Variants in DGKI observed in about 807,000 individuals in gnomAD.
DGKI encodes DAG kinase iota.
Under a neutral mutation model 147.5 loss-of-function variants are expected in DGKI, and 55 were observed. That is an observed-to-expected ratio of 0.37 (90% CI 0.30 to 0.47). DGKI has a LOEUF of 0.47. DGKI is among the 20% of genes least tolerant of loss of function. DGKI has a pLI of 1.00. For missense variants in DGKI, 1,007 were observed against 1,323.8 expected (o/e 0.76, Z 3.71); for synonymous variants, 469 against 477.1 (o/e 0.98, Z 0.22).
intron 21 of DGKI, among the ~76,000 whole-genome samples, chr7:137,510,071 C>A (rs1449409156): frequency 1.3e-5 from 2 of 152,184 alleles, no homozygotes; most frequent in African/African-American, 2.4e-5. Context: ...CTGATGACTG[C>A]GGTTCACGCA....
chr7:137,393,680 T>G (rs574357479), intron 32 of DGKI, among the ~76,000 whole-genome samples: 129 of 152,332 alleles, frequency 8.5e-4, no homozygotes, highest in African/African-American at 2.9e-3. Flanking sequence ...TTTGAAATAG[T>G]GTACCCAATT....
chr7:137,389,617 A>T lies in DGKI; in HGVS notation c.*1603T>A, dbSNP rs1201113434. The stretch of plus-strand genomic sequence containing the variant: ...ATTTCGCCAAAAGTAAAATCCTTGG[A>T]CACCTACTTTTATTTTTGACTTACC... On this transcript the variant is annotated 3_prime_UTR_variant, in exon 33 of 33. Coordinates refer to ENST00000614521, the MANE Select transcript of DGKI (RefSeq NM_001321708.2). 1 of 152,184 alleles carries T rather than the reference A, an allele frequency of 6.6e-6. No homozygotes were observed. The highest frequency in any genetic ancestry group is 1.5e-5 in the Non-Finnish European group (1 of 68,022). The allele number at this position is 152,184 out of a possible 1,614,324, so 9.4% of individuals were successfully genotyped here.
chr7:137,644,119 A>G (rs769308497), intron 6 of DGKI, among the ~76,000 whole-genome samples: 4 of 152,192 alleles, frequency 2.6e-5, no homozygotes, highest in Non-Finnish European at 5.9e-5. Flanking sequence ...AGGTTGATGG[A>G]CCCAAGAGAG....
chr7:137,632,720 G>A (rs775505172), intron 6 of DGKI, among the ~76,000 whole-genome samples: 37 of 152,082 alleles, frequency 2.4e-4, no homozygotes, highest in African/African-American at 2.9e-4. Context: ...TTAGCTGGGC[G>A]TGGTGGCACA....
At chr7:137,579,813 C>T (rs1450193964) in intron 15 of DGKI, among the ~76,000 whole-genome samples, 1 of 152,126 alleles carries the variant, frequency 6.6e-6, no homozygotes, top group East Asian at 1.9e-4. Flanking sequence ...TAATGCTTGA[C>T]ATCTTTAACT....
At chr7:137,768,489 C>G (rs952158030) in intron 1 of DGKI, among the ~76,000 whole-genome samples, 3 of 152,158 alleles carry the variant, frequency 2.0e-5, no homozygotes, top group Admixed American at 6.5e-5. Context: ...AGACGACTCT[C>G]AAGAAGCAGC....
intron 1 of DGKI, among the ~76,000 whole-genome samples, chr7:137,729,677 C>A (rs545777101): frequency 1.3e-5 from 2 of 152,206 alleles, no homozygotes; most frequent in African/African-American, 4.8e-5. Context: ...AGAAACCACA[C>A]TCCACAAAGT....
chr7:137,544,368 C>A lies in DGKI; in HGVS notation c.2147+8001G>T, dbSNP rs187527412. ...CCTATATAGAATATAGAATTTTACT[C>A]CAGCCACAACATTCAGTTTGGCAAT... On this transcript the variant is annotated intron_variant, in intron 20 of 32. Transcript: ENST00000614521. 7.2e-5 allele frequency among the ~76,000 whole-genome samples: 11 copies of A among 152,216 alleles called. No individual in the cohort carries two copies. The East Asian group carries it at 1.9e-3, about 27-fold the overall frequency.
chr7:137,628,825 G>A (rs1821031179), intron 6 of DGKI, among the ~76,000 whole-genome samples: 1 of 152,018 alleles, frequency 6.6e-6, no homozygotes, highest in Non-Finnish European at 1.5e-5. Flanking sequence ...GTTGCCTTCT[G>A]ACTTCTTCTG....
intron 28 of DGKI, among the ~76,000 whole-genome samples, chr7:137,431,040 G>T (rs915386688): frequency 2.6e-5 from 4 of 152,082 alleles, no homozygotes; most frequent in Non-Finnish European, 4.4e-5. Context: ...AGAACTAGAA[G>T]TTTAAATATA....
In DGKI at chr7:137,462,852, C is replaced by T. The variant is rs570524006; in HGVS notation, c.2735+637G>A. On this transcript the variant is annotated intron_variant, in intron 27 of 32. Coordinates refer to ENST00000614521, the MANE Select transcript of DGKI (RefSeq NM_001321708.2). ...GGAGATGATAGGGAGGTGGATTCAC[C>T]GAGCACAAAGGTATCGACACTGCTG... Among the ~76,000 whole-genome samples the T allele has an allele frequency of 3.9e-5, 6 of 152,266 alleles. 1 individual carries two copies. Among genetic ancestry groups the T allele is most frequent in the South Asian group, 4.2e-4 (2 of 4,816 alleles).
chr7:137,790,369 A>G lies in DGKI; in HGVS notation c.401+56093T>C, dbSNP rs1400345507. ...CATGATCCGAAGACTGACTCTGGATATGACTGCAATAAGCTACTGTGAGAA... is the reference window on the plus strand; with the variant it reads ...CATGATCCGAAGACTGACTCTGGATGTGACTGCAATAAGCTACTGTGAGAA... On this transcript the variant is annotated intron_variant, in intron 1 of 32. Coordinates refer to ENST00000614521, the MANE Select transcript of DGKI (RefSeq NM_001321708.2). Among the ~76,000 whole-genome samples, 5 of 152,186 alleles carry G rather than the reference A, an allele frequency of 3.3e-5. No individual in the cohort carries two copies. The East Asian group carries it at 5.8e-4, about 18-fold the overall frequency.
intron 1 of DGKI, among the ~76,000 whole-genome samples, chr7:137,835,674 T>C (rs1037853220): frequency 2.0e-5 from 3 of 152,258 alleles, no homozygotes; most frequent in African/African-American, 7.2e-5. Context: ...GCAATGACAA[T>C]GGCAATGAGG....
At chr7:137,661,824 G>A (rs936727674) in intron 3 of DGKI, among the ~76,000 whole-genome samples, 5 of 152,108 alleles carry the variant, frequency 3.3e-5, no homozygotes, top group African/African-American at 1.2e-4. Flanking sequence ...TCAATGGCGG[G>A]GCTAATGGAA....
chr7:137,453,235 A>G (rs1814046947), intron 27 of DGKI: 1 of 152,204 alleles, frequency 6.6e-6, no homozygotes, highest in Non-Finnish European at 1.5e-5. Flanking sequence ...TCTCTGTGCA[A>G]TAGCTTTCTT....
At chr7:137,517,295 G>GAAAGAAAAGAA (rs1816794082) in intron 21 of DGKI, among the ~76,000 whole-genome samples, 1 of 93,992 alleles carries the variant, frequency 1.1e-5, no homozygotes, top group Non-Finnish European at 2.1e-5. Context: ...AAGAAAGAAA[G>GAAAGAAAAGAA]AAAGAAAGAA....
Position 137,421,260 on chromosome 7 carries a change from G to A in DGKI, c.2762-9053C>T, listed in dbSNP as rs1032442661. ...GCATCAAAAGGCCATTAGATACTAC[G>A]GTGGCTTTATATTCAAACACCACCT... On this transcript the variant is annotated intron_variant, in intron 28 of 32. Coordinates refer to ENST00000614521, the MANE Select transcript of DGKI (RefSeq NM_001321708.2). Among the ~76,000 whole-genome samples the A allele has an allele frequency of 5.3e-5, 8 of 152,212 alleles. No individual in the cohort carries two copies. In the South Asian group the frequency reaches 6.2e-4, roughly 12 times the overall value.
chr7:137,713,313 G>A (rs535822975), intron 1 of DGKI, among the ~76,000 whole-genome samples: 1 of 152,270 alleles, frequency 6.6e-6, no homozygotes, highest in South Asian at 2.1e-4. Flanking sequence ...AGTAGGGTGG[G>A]ATGTAACATT....
At position 137,597,812 on chromosome 7, in the gene DGKI, T is replaced by C. The variant is rs552588354; in HGVS notation, c.1311+35A>G. On this transcript the variant is annotated intron_variant, in intron 12 of 32. Coordinates refer to ENST00000614521, the MANE Select transcript of DGKI (RefSeq NM_001321708.2). Reference sequence around the variant, plus strand: ...CAAGAAAACAATAAGAAAGATAGAATTGGCAGAGAACTGGATTCTCTCTCA... The same window carrying C: ...CAAGAAAACAATAAGAAAGATAGAACTGGCAGAGAACTGGATTCTCTCTCA... 3.6e-5 allele frequency: 57 copies of C among 1,593,482 alleles called. 2 individuals carry two copies. The South Asian group carries it at 6.1e-4, about 17-fold the overall frequency.
Sources: allele counts gnomAD v4.1 joint callset (sites outside exome capture counted in the v4.1 genomes callset), GRCh38; gene constraint gnomAD v4.1.1; transcripts MANE v1.5; gene names NCBI Gene and HGNC (gene_info 2026-07-23, HGNC 2026-07-21).